The following PPFIA2 variants were observed in gnomAD, a reference collection of about 807,000 sequenced individuals.
PPFIA2 encodes the protein liprin-alpha-2.
In PPFIA2, 46 loss-of-function variants were observed where a neutral mutation model predicts 175.5. That is an observed-to-expected ratio of 0.26 (90% CI 0.21 to 0.34). The LOEUF is 0.34. PPFIA2 is among the 10% of genes least tolerant of loss of function. The pLI is 1.00. For missense variants in PPFIA2, 1,179 were observed against 1,506.1 expected (o/e 0.78, Z 3.60); for synonymous variants, 568 against 511.4 (o/e 1.11, Z -1.49).
At chr12:81,265,231 T>G (rs2036872414) in intron 30 of PPFIA2, among the ~76,000 whole-genome samples, 1 of 134,134 alleles carries the variant, frequency 7.5e-6, no homozygotes, top group Non-Finnish European at 1.5e-5. Flanking sequence ...AGACGGAGGT[T>G]GTGGTGAGCC....
At chr12:81,377,614 T>C (rs1396802018) in intron 9 of PPFIA2, among the ~76,000 whole-genome samples, 2 of 152,054 alleles carry the variant, frequency 1.3e-5, no homozygotes, top group Non-Finnish European at 2.9e-5. Flanking sequence ...TTGTCCCTAG[T>C]CTCCTGCCCA....
At chr12:81,609,134 C>A (rs1408337491) in intron 4 of PPFIA2, among the ~76,000 whole-genome samples, 2 of 151,466 alleles carry the variant, frequency 1.3e-5, no homozygotes, top group Non-Finnish European at 2.9e-5. Context: ...GCACTGTGAT[C>A]CAAGAATGTA....
chr12:81,745,186 T>C (rs1044005554), intron 3 of PPFIA2, among the ~76,000 whole-genome samples: 5 of 152,188 alleles, frequency 3.3e-5, no homozygotes, highest in African/African-American at 7.2e-5. Flanking sequence ...GACTAATGAT[T>C]TTATAGTTTT....
chr12:81,275,264 T>C (rs1248413755), intron 28 of PPFIA2, among the ~76,000 whole-genome samples: 3 of 152,230 alleles, frequency 2.0e-5, no homozygotes, highest in Non-Finnish European at 2.9e-5. Context: ...TCAATTTTGA[T>C]AATGGAAAAG....
chr12:81,283,863 T>C (rs1396616120), intron 25 of PPFIA2, among the ~76,000 whole-genome samples: 1 of 152,118 alleles, frequency 6.6e-6, no homozygotes, highest in African/African-American at 2.4e-5. Flanking sequence ...CATGATCATA[T>C]TAAAAATGAA....
chr12:81,348,539 C>T (rs997548934), intron 17 of PPFIA2, among the ~76,000 whole-genome samples: 2 of 151,954 alleles, frequency 1.3e-5, no homozygotes, highest in African/African-American at 4.8e-5. Context: ...AGTTCGAGAC[C>T]AGCCTGGCCA....
At chr12:81,504,388 T>C (rs1191634461) in intron 4 of PPFIA2, among the ~76,000 whole-genome samples, 2 of 151,868 alleles carry the variant, frequency 1.3e-5, no homozygotes, top group Non-Finnish European at 2.9e-5. Flanking sequence ...AACAAGCATA[T>C]GAAAAAAAAG....
intron 28 of PPFIA2, chr12:81,270,669 T>G (rs1033562307): frequency 6.6e-6 from 1 of 152,192 alleles, no homozygotes; most frequent in African/African-American, 2.4e-5. Flanking sequence ...CTGACTCTGC[T>G]AACACCTTGG....
intron 4 of PPFIA2, among the ~76,000 whole-genome samples, chr12:81,592,456 C>T (rs139620194): frequency 6.6e-6 from 1 of 152,156 alleles, no homozygotes; most frequent in East Asian, 1.9e-4. Context: ...CCATCCAAAT[C>T]TCATCTTTAA....
intron 4 of PPFIA2, among the ~76,000 whole-genome samples, chr12:81,660,832 G>A (rs2068708137): frequency 6.6e-6 from 1 of 152,226 alleles, no homozygotes; most frequent in Non-Finnish European, 1.5e-5. Flanking sequence ...AATCCCATCA[G>A]ACTAACAGTG....
chr12:81,588,942 G>A (rs73145472), intron 4 of PPFIA2, among the ~76,000 whole-genome samples: 4,192 of 152,098 alleles, frequency 0.028, 69 homozygotes, highest in East Asian at 0.078. Context: ...GAAACATAGA[G>A]TTATTTTAGC....
intron 4 of PPFIA2, among the ~76,000 whole-genome samples, chr12:81,470,111 T>C (rs1341154213): frequency 1.3e-5 from 2 of 152,198 alleles, no homozygotes; most frequent in Non-Finnish European, 2.9e-5. Flanking sequence ...AGTTAAGATG[T>C]TTACACTTCG....
In PPFIA2 at chr12:81,339,213, C is replaced by A; in HGVS notation, c.2515G>T (p.Gly839Cys). Reference protein sequence around the residue: ...GIKSSIGRLFGKKEKARLGQL... With the variant: ...GIKSSIGRLFCKKEKARLGQL... ...CCAAGTCGAGCTTTTTCTTTTTTAC[C>A]AAACAAACGTCCTATTGAAGACTTG... The change falls in exon 21 of 33, where the codon GGT (glycine) becomes TGT (cysteine). Residue 839 changes from glycine (G) to cysteine (C), a missense_variant. By Grantham distance (159) the Gly-to-Cys change is radical. Around this residue, in one of 10 missense-constraint regions of PPFIA2, gnomAD observed 223 missense variants for 241.6 expected, o/e 0.92. Transcript: ENST00000549396. 6.2e-7 allele frequency: 1 copy of A among 1,603,122 alleles called. No individual in the cohort carries two copies. Among genetic ancestry groups the A allele is most frequent in the Non-Finnish European group, 8.5e-7 (1 of 1,174,998 alleles).
At chr12:81,391,091 G>T (rs1453666604) in intron 8 of PPFIA2, among the ~76,000 whole-genome samples, 9 of 151,812 alleles carry the variant, frequency 5.9e-5, no homozygotes, top group Admixed American at 4.6e-4. Context: ...ATTCTATCAA[G>T]CAAAGAAGTA....
At chr12:81,613,632 T>A (rs1312110037) in intron 4 of PPFIA2, among the ~76,000 whole-genome samples, 1 of 152,178 alleles carries the variant, frequency 6.6e-6, no homozygotes, top group African/African-American at 2.4e-5. Flanking sequence ...TTGGATTTTT[T>A]AAATCTACAA....
rs73348322 is a variant in PPFIA2, at chr12:81,696,735, T to C, written c.250-19891A>G. ...TTTGATTGAGCAGTTTATTAAGATA[T>C]GTGATGAATTCTTCACCCAGTAAAG... On this transcript the variant is annotated intron_variant, in intron 3 of 32. Coordinates refer to ENST00000549396, the MANE Select transcript of PPFIA2 (RefSeq NM_003625.5). Among the ~76,000 whole-genome samples, 1,040 of 152,154 alleles carry C rather than the reference T, an allele frequency of 6.8e-3. 9 individuals are homozygous for C. The highest frequency in any genetic ancestry group is 0.024 in the African/African-American group (989 of 41,504).
intron 4 of PPFIA2, among the ~76,000 whole-genome samples, chr12:81,642,769 T>C (rs1235737062): frequency 6.3e-5 from 2 of 31,606 alleles, no homozygotes; most frequent in African/African-American, 3.1e-4. Flanking sequence ...CATGTATATG[T>C]ATGTATGTAT....
intron 4 of PPFIA2, among the ~76,000 whole-genome samples, chr12:81,568,777 C>A (rs952740902): frequency 3.9e-5 from 6 of 152,106 alleles, no homozygotes; most frequent in Admixed American, 3.9e-4. Flanking sequence ...TTCCATTCCC[C>A]ATCTTGATGG....
rs573732758 is a variant in PPFIA2 at position 81,623,645 on chromosome 12, G to A, written c.303+53146C>T. 6.6e-5 allele frequency among the ~76,000 whole-genome samples: 10 copies of A among 151,868 alleles called. No individual in the cohort carries two copies. In the East Asian group the frequency reaches 1.9e-3, roughly 29 times the overall value. ...ATGATTGTATCCTTATAGTTGTGTG[G>A]GTAAAGTTCCTTAAACCAGACACTT... On this transcript the variant is annotated intron_variant, in intron 4 of 32. Coordinates refer to ENST00000549396, the MANE Select transcript of PPFIA2 (RefSeq NM_003625.5).
Sources: gnomAD v4.1 joint callset for allele counts (sites outside exome capture counted in the v4.1 genomes callset) on GRCh38, gnomAD v4.1.1 for gene constraint, gnomAD v4.1.1 regional missense constraint, MANE v1.5 for transcripts, NCBI Gene and HGNC (gene_info 2026-07-23, HGNC 2026-07-21) for gene names.